Variants in PPP1R13B observed in about 807,000 individuals in gnomAD.
PPP1R13B encodes the protein protein phosphatase 1 regulatory subunit 13B.
A neutral mutation model predicts 119.8 loss-of-function variants in PPP1R13B; 44 were observed. That is an observed-to-expected ratio of 0.37 (90% confidence interval 0.29 to 0.47). The LOEUF (loss-of-function observed/expected upper bound fraction) is 0.47, where lower values mean the gene tolerates loss of function less well. PPP1R13B is among the 20% of genes least tolerant of loss of function. The pLI is 0.99. For synonymous variants in PPP1R13B, 542 were observed against 561.5 expected, an observed-to-expected ratio of 0.97 and a Z score of 0.49; for missense variants, 1,227 against 1,413.5, an observed-to-expected ratio of 0.87 and a Z score of 2.12.
intron 1 of PPP1R13B, among the ~76,000 whole-genome samples, chr14:103,826,885 G>A (rs934455707): frequency 3.3e-5 from 5 of 151,514 alleles, no homozygotes; most frequent in Admixed American, 6.6e-5. Flanking sequence ...GGTGGCAGGC[G>A]CCTGTAGTCC....
intron 4 of PPP1R13B, chr14:103,759,314 G>C (rs1471364089): frequency 6.7e-6 from 1 of 148,954 alleles, no homozygotes; most frequent in African/African-American, 2.5e-5. Context: ...TCCTGAAAAA[G>C]CAATACGGTA....
intron 1 of PPP1R13B, among the ~76,000 whole-genome samples, chr14:103,801,148 C>G (rs1245838600): frequency 6.6e-6 from 1 of 152,114 alleles, no homozygotes; most frequent in African/African-American, 2.4e-5. Context: ...ACACGTCTGG[C>G]CTACCATTTC....
At chr14:103,814,142 A>G (rs1411107681) in intron 1 of PPP1R13B, among the ~76,000 whole-genome samples, 1 of 152,110 alleles carries the variant, frequency 6.6e-6, no homozygotes, top group African/African-American at 2.4e-5. Flanking sequence ...TGAGGTCTGG[A>G]GTTCACGACC....
chr14:103,739,115 C>T, intron 12 of PPP1R13B, 92 bp from the exon 13 acceptor site: 1 of 1,517,266 alleles, frequency 6.6e-7, no homozygotes, highest in South Asian at 1.2e-5. Context: ...GGAGCTAAAG[C>T]CCAAAGACAG....
Position 103,740,414 on chromosome 14 carries a change from G to A in PPP1R13B, c.2002C>T (p.Arg668Trp), listed in dbSNP as rs559019493. The change falls in exon 12 of 17, where the codon CGG becomes TGG. Residue 668 changes from arginine (R) to tryptophan (W), a missense_variant. Arg to Trp is a moderately radical substitution (Grantham distance 101, BLOSUM62 -3). Coordinates refer to ENST00000202556, the MANE Select transcript of PPP1R13B (RefSeq NM_015316.3). This position sits in a 1 kb window ranked among gnomAD's most constrained non-coding sequence, Gnocchi z 4.6. Reference sequence around the variant, plus strand: ...GTGAGCTTGGTGGGGCTGAGTGGCCGTGGCAGGCTCTCCACGGTGCTGCCA... The same window carrying A: ...GTGAGCTTGGTGGGGCTGAGTGGCCATGGCAGGCTCTCCACGGTGCTGCCA... ...ADGSTVESLP[R>W]PLSPTKLTPI... is the part of the protein sequence containing the mutation. 5 of 1,586,888 alleles carry A rather than the reference G, an allele frequency of 3.2e-6. No individual in the cohort carries two copies. Among genetic ancestry groups the A allele is most frequent in the East Asian group, 2.3e-5 (1 of 44,434 alleles).
chr14:103,799,176 A>G (rs1437681798), intron 1 of PPP1R13B, among the ~76,000 whole-genome samples: 1 of 148,056 alleles, frequency 6.8e-6, no homozygotes, highest in Non-Finnish European at 1.5e-5. Flanking sequence ...ATTTTATTTT[A>G]TTTTATTTAT....
intron 1 of PPP1R13B, among the ~76,000 whole-genome samples, chr14:103,838,210 G>GGACA (rs2086821688): frequency 6.7e-6 from 1 of 149,374 alleles, no homozygotes; most frequent in Admixed American, 6.7e-5. Context: ...CTCTGTTATG[G>GGACA]CACACACACA....
chr14:103,806,982 CCTCT>C (rs755543556), intron 1 of PPP1R13B, among the ~76,000 whole-genome samples: 2 of 152,218 alleles, frequency 1.3e-5, no homozygotes, highest in Non-Finnish European at 2.9e-5. Flanking sequence ...CCCGTGGTTT[CCTCT>C]CTGAGAATAA....
chr14:103,808,590 T>C (rs1457230875), intron 1 of PPP1R13B, among the ~76,000 whole-genome samples: 1 of 152,200 alleles, frequency 6.6e-6, no homozygotes, highest in African/African-American at 2.4e-5. Context: ...AAAGCTTCTT[T>C]CCACAAGGTG....
chr14:103,764,426 T>C, intron 4 of PPP1R13B: 1 of 334,936 alleles, frequency 3.0e-6, no homozygotes, highest in Non-Finnish European at 6.0e-6. Flanking sequence ...TATTTTTAAG[T>C]TGGTTGTCTT....
At position 103,797,506 on chromosome 14, in the gene PPP1R13B, C is replaced by T; in HGVS notation, c.22G>A (p.Val8Ile). MMPMILTVFLSNNEQILT... is the reference protein window; with the variant it reads MMPMILTIFLSNNEQILT... ...ATCTGTTCATTGTTGCTCAAGAAAA[C>T]AGTTAATATCATCTGTAAGACAAAA... is the stretch of plus-strand genomic sequence containing the variant. The change falls in exon 2 of 17, where the codon GTT becomes ATT. Residue 8 changes from valine (V) to isoleucine (I), a missense_variant. Val to Ile is a conservative substitution (Grantham distance 29). Transcript: ENST00000202556. 6.2e-7 allele frequency: 1 copy of T among 1,611,560 alleles called. No individual in the cohort carries two copies. Among genetic ancestry groups the T allele is most frequent in the Non-Finnish European group, 8.5e-7 (1 of 1,178,106 alleles).
chr14:103,762,596 T>TA (rs11446097), intron 4 of PPP1R13B, among the ~76,000 whole-genome samples: 41,220 of 139,418 alleles, frequency 0.3, 6,086 homozygotes, highest in Non-Finnish European at 0.35. Flanking sequence ...CTTAAAGTAT[T>TA]AAAAAAAAAA....
intron 3 of PPP1R13B, among the ~76,000 whole-genome samples, chr14:103,780,353 G>A (rs2085307603): frequency 6.6e-6 from 1 of 151,600 alleles, no homozygotes; most frequent in African/African-American, 2.4e-5. Flanking sequence ...TGGGCGTGGT[G>A]GCACACGCCT....
At chr14:103,806,545 C>T (rs1452086392) in intron 1 of PPP1R13B, among the ~76,000 whole-genome samples, 1 of 152,122 alleles carries the variant, frequency 6.6e-6, no homozygotes, top group African/African-American at 2.4e-5. Context: ...GCAGGCCACG[C>T]ACCCCAAAAT....
chr14:103,738,750 G>A lies in PPP1R13B; in HGVS notation c.2793C>T (p.Ala931=), dbSNP rs567266987. ...GGAACTTCACGATGTGATGGTGGCC[G>A]GCGCAGACGGCGTTGTGCAGTGGGG... is the stretch of plus-strand genomic sequence containing the variant. ...GITPLHNAVC[A]GHHHIVKFLL... Residue 931 remains alanine (A), a synonymous_variant, in exon 14 of 17, where the codon GCC becomes GCT. Transcript: ENST00000202556. This position sits in a 1 kb window ranked among gnomAD's most constrained non-coding sequence, Gnocchi z 5.6. The A allele has an allele frequency of 1.4e-5, 22 of 1,614,234 alleles. No individual in the cohort carries two copies. The highest frequency in any genetic ancestry group is 2.2e-5 in the South Asian group (2 of 91,088).
rs543734518 is a variant in PPP1R13B, at chr14:103,847,536, C to T, written c.-229G>A. On this transcript the variant is annotated 5_prime_UTR_variant, in exon 1 of 17. Coordinates refer to ENST00000202556, the MANE Select transcript of PPP1R13B (RefSeq NM_015316.3). Reference sequence around the variant, plus strand: ...GGCACCCGGCCGCCGCCGCCGCCGCCTCAACCTCAGCCTCAGCCTCAGCCC... The same window carrying T: ...GGCACCCGGCCGCCGCCGCCGCCGCTTCAACCTCAGCCTCAGCCTCAGCCC... 5.8e-4 allele frequency: 575 copies of T among 986,248 alleles called. No individual in the cohort carries two copies. The highest frequency in any genetic ancestry group is 1.7e-3 in the Admixed American group (28 of 16,116). 61.1% of individuals were successfully genotyped at this position (986,248 alleles called of 1,614,324 possible). A position where few individuals can be genotyped will look rare whatever the true frequency, so the allele number is the denominator to read the frequency against.
chr14:103,814,516 T>G (rs952966543), intron 1 of PPP1R13B, among the ~76,000 whole-genome samples: 2 of 152,116 alleles, frequency 1.3e-5, no homozygotes, highest in African/African-American at 2.4e-5. Context: ...AGTAAAAGTT[T>G]CAATGGGCTG....
At chr14:103,826,594 TCAAAACAAAAGTA>T (rs1232029638) in intron 1 of PPP1R13B, among the ~76,000 whole-genome samples, 1 of 151,888 alleles carries the variant, frequency 6.6e-6, no homozygotes, top group Non-Finnish European at 1.5e-5. Context: ...ATTGAAAATT[TCAAAACAAAAGTA>T]CAAAGCAGTT....
chr14:103,759,064 T>G (rs2084743692), intron 4 of PPP1R13B: 1 of 150,928 alleles, frequency 6.6e-6, no homozygotes, highest in Non-Finnish European at 1.5e-5. Flanking sequence ...GCTCAAGCAA[T>G]TCTCCTGCCT....
Sources: gnomAD v4.1 joint callset for allele counts (sites outside exome capture counted in the v4.1 genomes callset) on GRCh38, gnomAD v4.1.1 for gene constraint, Gnocchi (gnomAD v3.1) non-coding constraint, MANE v1.5 for transcripts, NCBI Gene and HGNC (gene_info 2026-07-23, HGNC 2026-07-21) for gene names.